SLC35F3: variants seen among roughly 807,000 people sequenced by gnomAD.
SLC35F3 encodes putative thiamine transporter SLC35F3.
Under a neutral mutation model 49.9 loss-of-function variants are expected in SLC35F3, and 25 were observed. The ratio of observed to expected loss-of-function variants is 0.50; its 90% CI spans 0.37 to 0.70. The LOEUF (loss-of-function observed/expected upper bound fraction) is 0.70, where lower values mean the gene tolerates loss of function less well. Ranked by LOEUF, SLC35F3 falls within the 30% of genes least tolerant of loss-of-function variation. SLC35F3 has a pLI of 0.00. For missense variants in SLC35F3, 525 were observed against 639.8 expected (o/e 0.82, Z 1.94); for synonymous variants, 275 against 265.4 (o/e 1.04, Z -0.35).
intron 2 of SLC35F3, among the ~76,000 whole-genome samples, chr1:234,089,977 C>T (rs904060946): frequency 6.6e-6 from 1 of 152,210 alleles, no homozygotes; most frequent in Non-Finnish European, 1.5e-5. Context: ...GAATACTTTC[C>T]TTTGCAGATC....
intron 3 of SLC35F3, among the ~76,000 whole-genome samples, chr1:234,234,181 G>A (rs1219268328): frequency 6.6e-6 from 1 of 152,194 alleles, no homozygotes; most frequent in Non-Finnish European, 1.5e-5. Flanking sequence ...ATTTGTCTGA[G>A]GAGATGAGTC....
chr1:234,199,248 A>G (rs1005164838), intron 2 of SLC35F3, among the ~76,000 whole-genome samples: 4 of 151,772 alleles, frequency 2.6e-5, no homozygotes, highest in Non-Finnish European at 4.4e-5. Context: ...AAACGAAAAG[A>G]AAAAAAACAA....
intron 3 of SLC35F3, among the ~76,000 whole-genome samples, chr1:234,261,204 TGAGTTTA>T (rs1393056235): frequency 4.0e-5 from 6 of 151,276 alleles, no homozygotes; most frequent in Non-Finnish European, 5.9e-5. Context: ...GAATTAGAGG[TGAGTTTA>T]CAGAATAAAG....
chr1:233,966,016 G>T (rs1012505979), intron 2 of SLC35F3, among the ~76,000 whole-genome samples: 5 of 152,144 alleles, frequency 3.3e-5, no homozygotes, highest in Non-Finnish European at 5.9e-5. Flanking sequence ...TTGGCTGTGG[G>T]CAGGAGAGAT....
chr1:234,139,654 A>C (rs542777412), intron 2 of SLC35F3, among the ~76,000 whole-genome samples: 1 of 152,200 alleles, frequency 6.6e-6, no homozygotes, highest in South Asian at 2.1e-4. Context: ...AGTCTTGTAA[A>C]ATAAGGGTGA....
intron 2 of SLC35F3, among the ~76,000 whole-genome samples, chr1:234,019,527 C>G (rs754498809): frequency 1.3e-5 from 2 of 152,166 alleles, no homozygotes; most frequent in South Asian, 2.1e-4. Flanking sequence ...GCAGAATTCT[C>G]TCTTCCTTTG....
chr1:234,139,955 A>AAAAAATAAAATAAAAT, intron 2 of SLC35F3, among the ~76,000 whole-genome samples: 1 of 119,686 alleles, frequency 8.4e-6, no homozygotes, highest in Non-Finnish European at 1.7e-5. Flanking sequence ...TCAAAATAAT[A>AAAAAATAAAATAAAAT]AAATAAAATA....
intron 2 of SLC35F3, among the ~76,000 whole-genome samples, chr1:234,150,286 AAGG>A (rs1390869752): frequency 6.6e-6 from 1 of 152,090 alleles, no homozygotes; most frequent in African/African-American, 2.4e-5. Context: ...TGAGCTTCTT[AAGG>A]AGAAGACTAA....
chr1:234,226,811 G>T (rs1442513508), intron 2 of SLC35F3, among the ~76,000 whole-genome samples: 1 of 152,190 alleles, frequency 6.6e-6, no homozygotes, highest in Non-Finnish European at 1.5e-5. Context: ...GATTTTGCAG[G>T]TGGCGGGTTT....
intron 2 of SLC35F3, among the ~76,000 whole-genome samples, chr1:233,919,703 G>T (rs369955439): frequency 1.3e-5 from 2 of 152,084 alleles, no homozygotes; most frequent in Non-Finnish European, 2.9e-5. Context: ...ATTATATTTT[G>T]CATCTTTCCC....
chr1:234,299,748 T>A (rs1668662756), intron 3 of SLC35F3, among the ~76,000 whole-genome samples: 1 of 132,472 alleles, frequency 7.5e-6, no homozygotes, highest in Admixed American at 9.2e-5. Flanking sequence ...GAGTTTGCAG[T>A]GAGCTGAGAT....
At chr1:233,994,864 A>G (rs1277576428) in intron 2 of SLC35F3, among the ~76,000 whole-genome samples, 2 of 152,066 alleles carry the variant, frequency 1.3e-5, no homozygotes, top group Non-Finnish European at 1.5e-5. Context: ...AAAAACCCAA[A>G]CCAAAATACT....
At chr1:234,212,008 G>A (rs528251271) in intron 2 of SLC35F3, among the ~76,000 whole-genome samples, 3 of 152,262 alleles carry the variant, frequency 2.0e-5, no homozygotes, top group East Asian at 3.9e-4. Context: ...TAGTGAATAA[G>A]TTTCATGAGA....
intron 2 of SLC35F3, among the ~76,000 whole-genome samples, chr1:234,157,394 C>T (rs1474339491): frequency 6.6e-6 from 1 of 152,158 alleles, no homozygotes; most frequent in East Asian, 1.9e-4. Flanking sequence ...TGGACTCCTA[C>T]CTCGTGCAAT....
Position 234,214,642 on chromosome 1 carries a change from G to A in SLC35F3, c.284-16775G>A. The A allele has an allele frequency of 2.0e-6, 3 of 1,475,998 alleles. No homozygotes were observed. Among genetic ancestry groups the A allele is most frequent in the Non-Finnish European group, 2.7e-6 (3 of 1,107,752 alleles). The allele number at this position is 1,475,998 out of a possible 1,614,324, so 91.4% of individuals were successfully genotyped here. Reference sequence around the variant, plus strand: ...CCGGGGAATGCTGCCACCCTGAGGGGGGCTGTCTGGCTGCGGGGCGCCGGG... The same window carrying A: ...CCGGGGAATGCTGCCACCCTGAGGGAGGCTGTCTGGCTGCGGGGCGCCGGG... On this transcript the variant is annotated intron_variant, in intron 2 of 7. Coordinates refer to ENST00000366618, the MANE Select transcript of SLC35F3 (RefSeq NM_173508.4). The surrounding 1 kb of genome is among the most constrained non-coding windows in gnomAD (Gnocchi z 8.0).
chr1:234,108,803 A>ATCTTT (rs1665352880), intron 2 of SLC35F3, among the ~76,000 whole-genome samples: 2 of 123,192 alleles, frequency 1.6e-5, no homozygotes, highest in African/African-American at 6.3e-5. Context: ...ATATATTTAT[A>ATCTTT]TATATATAAA....
chr1:234,292,184 A>G (rs1236710811), intron 3 of SLC35F3, among the ~76,000 whole-genome samples: 1 of 152,220 alleles, frequency 6.6e-6, no homozygotes, highest in Non-Finnish European at 1.5e-5. Flanking sequence ...AGCCCAGCAC[A>G]TTGAGAATCA....
At chr1:233,984,418 C>T (rs1019422110) in intron 2 of SLC35F3, among the ~76,000 whole-genome samples, 10 of 152,166 alleles carry the variant, frequency 6.6e-5, no homozygotes, top group Admixed American at 3.9e-4. Context: ...TCAATCCTGA[C>T]CTCCCTGATG....
intron 3 of SLC35F3, among the ~76,000 whole-genome samples, chr1:234,236,154 G>T (rs1667464513): frequency 1.3e-5 from 2 of 152,098 alleles, no homozygotes; most frequent in Admixed American, 1.3e-4. Context: ...GAAGAAGTTA[G>T]CTAGGGCCTG....
Sources: allele counts gnomAD v4.1 joint callset (sites outside exome capture counted in the v4.1 genomes callset), GRCh38; gene constraint gnomAD v4.1.1; non-coding constraint Gnocchi (gnomAD v3.1); transcripts MANE v1.5; gene names NCBI Gene and HGNC (gene_info 2026-07-23, HGNC 2026-07-21).